Variants in EPB41L5 observed in about 807,000 individuals in gnomAD.
EPB41L5 encodes erythrocyte membrane protein band 4.1 like 5, also known as band 4.1-like protein 5.
In EPB41L5, 55 loss-of-function variants were observed where a neutral mutation model predicts 106.6. The observed-to-expected ratio is 0.52, with a 90% CI of 0.42 to 0.65. EPB41L5 has a LOEUF of 0.65. Among genes scored for constraint, EPB41L5 ranks in the 30% least tolerant of loss-of-function variants. EPB41L5 has a pLI of 0.00. For missense variants in EPB41L5, 871 were observed against 882.1 expected, an observed-to-expected ratio of 0.99 and a Z score of 0.16; for synonymous variants, 297 against 306.7, an observed-to-expected ratio of 0.97 and a Z score of 0.33.
intron 14 of EPB41L5, among the ~76,000 whole-genome samples, chr2:120,094,950 T>G (rs1683646172): frequency 6.6e-6 from 1 of 152,200 alleles, no homozygotes; most frequent in Non-Finnish European, 1.5e-5. Flanking sequence ...GAGACTTTTT[T>G]TATGGCCCCT....
intron 9 of EPB41L5, 61 bp downstream of exon 9, chr2:120,077,377 T>C: frequency 6.8e-7 from 1 of 1,468,138 alleles, no homozygotes; most frequent in Admixed American, 1.8e-5. Context: ...GCAGTGACTG[T>C]GGAATTTTTC....
chr2:120,038,547 A>C (rs1679188188), intron 2 of EPB41L5, among the ~76,000 whole-genome samples: 1 of 152,170 alleles, frequency 6.6e-6, no homozygotes, highest in African/African-American at 2.4e-5. Flanking sequence ...GCTTGAGGCC[A>C]AGAGTTCAAG....
intron 14 of EPB41L5, among the ~76,000 whole-genome samples, chr2:120,098,296 A>G (rs528626342): frequency 6.6e-5 from 10 of 151,640 alleles, no homozygotes; most frequent in African/African-American, 2.2e-4. Flanking sequence ...TGTAGCCTCA[A>G]CCTCCTGGGA....
chr2:120,032,528 G>A lies in EPB41L5; in HGVS notation c.181-9478G>A, dbSNP rs560064705. ...AATGATTAAAGGATTTTAAAGAACA[G>A]AGTGACATTTCTGTGTGGCAGTTTT... is the stretch of plus-strand genomic sequence containing the variant. On this transcript the variant is annotated intron_variant, in intron 2 of 24. Transcript: ENST00000263713. 4.0e-3 allele frequency among the ~76,000 whole-genome samples: 3 copies of A among 750 alleles called. No individual in the cohort carries two copies. In the East Asian group the frequency reaches 0.3, roughly 75 times the overall value. The allele number at this position is 750 out of a possible 152,430, so 0.5% of individuals were successfully genotyped here.
intron 3 of EPB41L5, among the ~76,000 whole-genome samples, chr2:120,063,896 C>T (rs909401806): frequency 1.3e-5 from 2 of 151,776 alleles, no homozygotes; most frequent in East Asian, 1.9e-4. Context: ...GAGGCGAGAT[C>T]GCGCCACTGC....
At chr2:120,102,535 C>T (rs1221077170) in intron 16 of EPB41L5, among the ~76,000 whole-genome samples, 1 of 152,104 alleles carries the variant, frequency 6.6e-6, no homozygotes, top group Non-Finnish European at 1.5e-5. Flanking sequence ...TTTCTGCATG[C>T]TTTGATTCTT....
At chr2:120,104,901 T>A (rs1684361217) in intron 16 of EPB41L5, 1 of 976,094 alleles carries the variant, frequency 1.0e-6, no homozygotes, top group African/African-American at 1.7e-5. Flanking sequence ...GTTAACTGAT[T>A]AACATTCAGT....
Position 120,090,415 on chromosome 2 carries a change from A to G in EPB41L5, c.942A>G (p.Lys314=). ...CAAAAGCATGCAAACATTTATGGAA[A>G]TGTGCTGTGGAGCATCATGCTTTCT... is the stretch of plus-strand genomic sequence containing the variant. The part of the protein sequence containing the change: ...DHPKACKHLW[K]CAVEHHAFFR... The change falls in exon 12 of 25, where the codon AAA becomes AAG. Residue 314 remains lysine (K), a synonymous_variant. Transcript: ENST00000263713. 1 of 1,613,804 alleles carries G rather than the reference A, an allele frequency of 6.2e-7. No individual in the cohort carries two copies. Among genetic ancestry groups the G allele is most frequent in the Non-Finnish European group, 8.5e-7 (1 of 1,179,802 alleles).
chr2:120,051,101 G>T (rs752489668), intron 3 of EPB41L5, among the ~76,000 whole-genome samples: 3 of 152,196 alleles, frequency 2.0e-5, no homozygotes, highest in Non-Finnish European at 4.4e-5. Flanking sequence ...GCTACTCGGG[G>T]GTCAGGGACC....
chr2:120,040,023 G>C (rs1679300583), intron 2 of EPB41L5, among the ~76,000 whole-genome samples: 1 of 151,600 alleles, frequency 6.6e-6, no homozygotes, highest in South Asian at 2.1e-4. Flanking sequence ...TGTTTTAAAT[G>C]TAATTTTGTC....
chr2:120,179,085 T>G lies in EPB41L5; in HGVS notation c.*4178T>G, dbSNP rs902418909. ...TACACTGAAATGAGAACTCTAGATGTAACTCTATTCAAATAAACCTTCGTG... is the reference window on the plus strand; with the variant it reads ...TACACTGAAATGAGAACTCTAGATGGAACTCTATTCAAATAAACCTTCGTG... On this transcript the variant is annotated 3_prime_UTR_variant, in exon 25 of 25. Transcript: ENST00000263713. 4 of 152,362 alleles carry G rather than the reference T, an allele frequency of 2.6e-5. No individual in the cohort carries two copies. Among genetic ancestry groups the G allele is most frequent in the African/African-American group, 9.6e-5 (4 of 41,588 alleles). The allele number at this position is 152,362 out of a possible 1,614,324, so 9.4% of individuals were successfully genotyped here.
chr2:120,061,433 C>T (rs1207125345), intron 3 of EPB41L5, among the ~76,000 whole-genome samples: 2 of 151,578 alleles, frequency 1.3e-5, no homozygotes, highest in East Asian at 1.9e-4. Flanking sequence ...CCGTTTTAGC[C>T]GGGATGGTCT....
chr2:120,052,688 C>G (rs1175153539), intron 3 of EPB41L5, among the ~76,000 whole-genome samples: 1 of 152,194 alleles, frequency 6.6e-6, no homozygotes. Flanking sequence ...TGAGCTCTGC[C>G]TTACTTTCTG....
intron 3 of EPB41L5, among the ~76,000 whole-genome samples, chr2:120,066,718 C>G (rs560152716): frequency 1.3e-5 from 2 of 152,238 alleles, no homozygotes; most frequent in South Asian, 4.2e-4. Flanking sequence ...GGATGAGAGG[C>G]TACATGAAAT....
chr2:120,030,714 C>T (rs537087391), intron 2 of EPB41L5, among the ~76,000 whole-genome samples: 21 of 150,782 alleles, frequency 1.4e-4, no homozygotes, highest in African/African-American at 2.9e-4. Context: ...CCACTATGCC[C>T]GGCTAATTTT....
intron 17 of EPB41L5, 76 bp downstream of exon 17, chr2:120,127,927 C>T (rs968045342): frequency 7.6e-7 from 1 of 1,322,322 alleles, no homozygotes; most frequent in African/African-American, 1.5e-5. Context: ...ATCAGCTTCT[C>T]CAATAATATT....
chr2:120,133,176 T>A (rs907916058), intron 18 of EPB41L5, among the ~76,000 whole-genome samples: 1 of 151,990 alleles, frequency 6.6e-6, no homozygotes, highest in East Asian at 1.9e-4. Flanking sequence ...CAGACAAGAA[T>A]AGAAGGAAGG....
chr2:120,021,037 T>C (rs891792676), intron 2 of EPB41L5, among the ~76,000 whole-genome samples: 5 of 152,166 alleles, frequency 3.3e-5, no homozygotes, highest in African/African-American at 1.2e-4. Flanking sequence ...GATTGGACTT[T>C]TTGTGAAACA....
At chr2:120,056,976 G>A (rs1444974285) in intron 3 of EPB41L5, among the ~76,000 whole-genome samples, 5 of 151,950 alleles carry the variant, frequency 3.3e-5, no homozygotes, top group African/African-American at 4.8e-5. Context: ...AGCTCACTGC[G>A]GCCTCAACCT....
Sources: allele counts gnomAD v4.1 joint callset (sites outside exome capture counted in the v4.1 genomes callset), GRCh38; gene constraint gnomAD v4.1.1; transcripts MANE v1.5; gene names NCBI Gene and HGNC (gene_info 2026-07-23, HGNC 2026-07-21).